The following DNAJC5B variants were observed in gnomAD, a reference collection of about 807,000 sequenced individuals.
DNAJC5B encodes dnaJ homolog subfamily C member 5B.
In DNAJC5B, 23 loss-of-function variants were observed where a neutral mutation model predicts 24.7. That is an observed-to-expected ratio of 0.93 (90% CI 0.67 to 1.32). The LOEUF is 1.32. Ranked by LOEUF, DNAJC5B falls within the 40% of genes most tolerant of loss-of-function variation. The probability of loss-of-function intolerance (pLI) is 0.00; values close to 1 mark genes in which losing one functional copy is unlikely to be tolerated. For synonymous variants in DNAJC5B, 101 were observed against 90.1 expected (o/e 1.12, Z -0.68); for missense variants, 238 against 240.8 (o/e 0.99, Z 0.08).
At chr8:66,029,614 G>T (rs1382005378) in intron 1 of DNAJC5B, among the ~76,000 whole-genome samples, 1 of 152,150 alleles carries the variant, frequency 6.6e-6, no homozygotes, top group Non-Finnish European at 1.5e-5. Context: ...CTTGGTCAAG[G>T]GTAGTGACCA....
chr8:66,071,870 T>TA (rs1374137703), intron 3 of DNAJC5B, among the ~76,000 whole-genome samples: 2 of 151,976 alleles, frequency 1.3e-5, no homozygotes, highest in Non-Finnish European at 1.5e-5. Context: ...TATGCAGCCA[T>TA]AAAAAAGAAT....
At chr8:66,051,751 C>A in intron 3 of DNAJC5B, 85 bp downstream of exon 3, 1 of 1,032,480 alleles carries the variant, frequency 9.7e-7, no homozygotes, top group Non-Finnish European at 1.5e-6. Flanking sequence ...ACATAAGCTT[C>A]TCACTAAGAC....
chr8:66,043,431 G>A (rs1806655751), intron 1 of DNAJC5B, 57 bp from the exon 2 acceptor site: 1 of 152,202 alleles, frequency 6.6e-6, no homozygotes, highest in South Asian at 2.1e-4. Flanking sequence ...TGGATGCCTT[G>A]TAATTGCAAG....
chr8:66,019,546 T>A (rs1474515203), upstream of DNAJC5B, among the ~76,000 whole-genome samples: 1 of 152,252 alleles, frequency 6.6e-6, no homozygotes, highest in African/African-American at 2.4e-5. Context: ...GTTTTTATTG[T>A]CATCTGACAT....
chr8:66,093,365 C>T (rs748774579), intron 5 of DNAJC5B, among the ~76,000 whole-genome samples: 2 of 152,118 alleles, frequency 1.3e-5, no homozygotes, highest in African/African-American at 4.8e-5. Flanking sequence ...TAACCGGTAA[C>T]GAGAGTTCCT....
intron 5 of DNAJC5B, among the ~76,000 whole-genome samples, chr8:66,089,409 T>C (rs1360283952): frequency 6.6e-6 from 1 of 152,184 alleles, no homozygotes; most frequent in Non-Finnish European, 1.5e-5. Context: ...GAGTACATGT[T>C]ATAGGACATT....
intron 4 of DNAJC5B, among the ~76,000 whole-genome samples, chr8:66,078,122 G>A (rs1373716018): frequency 5.3e-5 from 8 of 152,140 alleles, no homozygotes; most frequent in Admixed American, 2.0e-4. Context: ...CCACCTGATG[G>A]CACCTCAGGG....
At chr8:66,070,880 G>T (rs1328205880) in intron 3 of DNAJC5B, among the ~76,000 whole-genome samples, 1 of 152,064 alleles carries the variant, frequency 6.6e-6, no homozygotes, top group Non-Finnish European at 1.5e-5. Context: ...CAGAACAGAG[G>T]CCTCAGAAAT....
At chr8:66,094,279 C>G (rs1464504701) in intron 5 of DNAJC5B, among the ~76,000 whole-genome samples, 1 of 152,046 alleles carries the variant, frequency 6.6e-6, no homozygotes, top group African/African-American at 2.4e-5. Flanking sequence ...GTAGAATTGA[C>G]ACCTTTAAGA....
chr8:66,042,598 TC>T (rs1806634504), intron 1 of DNAJC5B, among the ~76,000 whole-genome samples: 2 of 56,482 alleles, frequency 3.5e-5, no homozygotes, highest in African/African-American at 2.4e-4. Flanking sequence ...TTCTTCTTCC[TC>T]TTCTTCTTCT....
chr8:66,091,181 C>T (rs1290470063), intron 5 of DNAJC5B, among the ~76,000 whole-genome samples: 1 of 152,112 alleles, frequency 6.6e-6, no homozygotes, highest in Non-Finnish European at 1.5e-5. Context: ...AGACATAGTT[C>T]CTGGTACTTT....
intron 3 of DNAJC5B, chr8:66,058,128 T>C (rs1807006435): frequency 6.6e-6 from 1 of 152,254 alleles, no homozygotes; most frequent in Non-Finnish European, 1.5e-5. Flanking sequence ...ATCTTAAAGA[T>C]AATTCCAAGG....
intron 1 of DNAJC5B, among the ~76,000 whole-genome samples, chr8:66,032,296 C>A (rs1420881711): frequency 6.6e-6 from 1 of 152,242 alleles, no homozygotes; most frequent in African/African-American, 2.4e-5. Flanking sequence ...ACACTCAGGG[C>A]AGCAGCAGGG....
At chr8:66,049,485 CA>C (rs1395467679) in intron 2 of DNAJC5B, among the ~76,000 whole-genome samples, 1 of 152,188 alleles carries the variant, frequency 6.6e-6, no homozygotes, top group African/African-American at 2.4e-5. Context: ...CTACAATACT[CA>C]GTACAGTAAC....
At chr8:66,077,366 C>T (rs185703517) in intron 4 of DNAJC5B, among the ~76,000 whole-genome samples, 1 of 152,166 alleles carries the variant, frequency 6.6e-6, no homozygotes, top group East Asian at 1.9e-4. Context: ...TGAGAATTTA[C>T]TAGTGGAGGA....
At chr8:66,048,802 G>T (rs1007973758) in intron 2 of DNAJC5B, among the ~76,000 whole-genome samples, 3 of 152,152 alleles carry the variant, frequency 2.0e-5, no homozygotes, top group Non-Finnish European at 4.4e-5. Flanking sequence ...GTTGCTTTCG[G>T]TTCAGGCTTC....
chr8:66,067,669 C>T (rs1050382703), intron 3 of DNAJC5B, among the ~76,000 whole-genome samples: 3 of 152,168 alleles, frequency 2.0e-5, no homozygotes, highest in Non-Finnish European at 4.4e-5. Flanking sequence ...TGTGAGAAGC[C>T]TCATCTAGCC....
intron 1 of DNAJC5B, among the ~76,000 whole-genome samples, chr8:66,042,724 G>A (rs1046504576): frequency 3.5e-5 from 3 of 85,954 alleles, no homozygotes; most frequent in Non-Finnish European, 4.5e-5. Flanking sequence ...CCCCCTCCTC[G>A]CACCCCTCTT....
chr8:66,088,791 G>A (rs6983227), intron 5 of DNAJC5B, among the ~76,000 whole-genome samples: 12,592 of 152,022 alleles, frequency 0.083, 885 homozygotes, highest in African/African-American at 0.18. Context: ...CCTCATCTCC[G>A]TCTGAGACCA....
Sources: gnomAD v4.1 joint callset for allele counts (sites outside exome capture counted in the v4.1 genomes callset) on GRCh38, gnomAD v4.1.1 for gene constraint, MANE v1.5 for transcripts, NCBI Gene and HGNC (gene_info 2026-07-23, HGNC 2026-07-21) for gene names.